Variants in UBE2D2 observed in about 807,000 individuals in gnomAD.
The protein encoded by UBE2D2 is ubiquitin conjugating enzyme E2 D2, also known as ubiquitin-conjugating enzyme E2 D2.
UBE2D2 carries 2 observed loss-of-function variants against 24.2 expected under a neutral mutation model. The ratio of observed to expected loss-of-function variants is 0.08; its 90% CI spans 0.03 to 0.26. The LOEUF is 0.26. Ranked by LOEUF, UBE2D2 falls within the 10% of genes least tolerant of loss-of-function variation. UBE2D2 has a pLI of 1.00. For missense variants in UBE2D2, 44 were observed against 177.6 expected, an observed-to-expected ratio of 0.25 and a Z score of 4.28; for synonymous variants, 58 against 56.5, an observed-to-expected ratio of 1.03 and a Z score of -0.12.
chr5:139,576,516 G>A (rs971892091), intron 1 of UBE2D2, among the ~76,000 whole-genome samples: 1 of 151,822 alleles, frequency 6.6e-6, no homozygotes. Context: ...CTACAGACAC[G>A]TGCCACCACG....
chr5:139,587,630 G>GCCACTGCA (rs1359589814), intron 1 of UBE2D2, among the ~76,000 whole-genome samples: 1 of 134,840 alleles, frequency 7.4e-6, no homozygotes, highest in Non-Finnish European at 1.5e-5. Context: ...CCAAGGTCGC[G>GCCACTGCA]CCACTGCACT....
chr5:139,529,750 C>T (rs1023066856), intron 1 of UBE2D2, among the ~76,000 whole-genome samples: 1 of 152,166 alleles, frequency 6.6e-6, no homozygotes, highest in African/African-American at 2.4e-5. Context: ...GTATTTCAGA[C>T]CTTCTACCAG....
rs1754650426 is a variant in UBE2D2, at chr5:139,627,143, A to G, written c.*342A>G. The G allele has an allele frequency of 4.6e-6, 1 of 218,020 alleles. No individual in the cohort carries two copies. The highest frequency in any genetic ancestry group is 1.3e-4 in the East Asian group (1 of 7,634). The allele number at this position is 218,020 out of a possible 1,614,324, so 13.5% of individuals were successfully genotyped here. ...GGTGGTGGGTATGGTGTGTGCTTGGATGGGAAAGAAAAGGCTCCACTCACC... is the reference window on the plus strand; with the variant it reads ...GGTGGTGGGTATGGTGTGTGCTTGGGTGGGAAAGAAAAGGCTCCACTCACC... On this transcript the variant is annotated 3_prime_UTR_variant, in exon 7 of 7. Transcript: ENST00000398733.
intron 1 of UBE2D2, among the ~76,000 whole-genome samples, chr5:139,572,809 C>T (rs1337316718): frequency 1.3e-5 from 2 of 151,798 alleles, no homozygotes; most frequent in African/African-American, 4.8e-5. Context: ...CACCACCGTG[C>T]CTGGCTGATT....
At chr5:139,621,260 A>G (rs1348108214) in intron 5 of UBE2D2, among the ~76,000 whole-genome samples, 1 of 152,208 alleles carries the variant, frequency 6.6e-6, no homozygotes, top group Non-Finnish European at 1.5e-5. Context: ...ATACATACAT[A>G]AATAAATAAA....
chr5:139,592,570 CTG>C (rs1366126042), intron 1 of UBE2D2, among the ~76,000 whole-genome samples: 5 of 144,948 alleles, frequency 3.4e-5, no homozygotes, highest in South Asian at 2.2e-4. Flanking sequence ...ACTGGTTTAA[CTG>C]TTGTTTCTTT....
intron 1 of UBE2D2, among the ~76,000 whole-genome samples, chr5:139,572,885 C>T (rs942460937): frequency 6.6e-6 from 1 of 151,952 alleles, no homozygotes; most frequent in African/African-American, 2.4e-5. Flanking sequence ...CTCAAGTGAT[C>T]CACCCGCCTA....
chr5:139,583,635 G>A (rs1753654379), intron 1 of UBE2D2, among the ~76,000 whole-genome samples: 1 of 152,134 alleles, frequency 6.6e-6, no homozygotes, highest in Non-Finnish European at 1.5e-5. Context: ...GGTGTCAGGT[G>A]CCTGTAGTCT....
intron 1 of UBE2D2, among the ~76,000 whole-genome samples, chr5:139,548,251 A>AT (rs532595793): frequency 1.7e-4 from 26 of 150,792 alleles, no homozygotes; most frequent in Non-Finnish European, 3.4e-4. Context: ...AAAATGACAG[A>AT]TTTTGTAGGC....
chr5:139,537,071 T>C (rs1752692919), intron 1 of UBE2D2, among the ~76,000 whole-genome samples: 2 of 151,502 alleles, frequency 1.3e-5, no homozygotes, highest in Admixed American at 1.3e-4. Flanking sequence ...TAGTCCCAGC[T>C]ACTCGGGAGG....
At chr5:139,613,626 T>C (rs534911480) in intron 2 of UBE2D2, among the ~76,000 whole-genome samples, 4 of 152,328 alleles carry the variant, frequency 2.6e-5, no homozygotes, top group African/African-American at 7.2e-5. Context: ...CTTTAACTTA[T>C]CCTTTACATT....
At chr5:139,591,979 C>T (rs1311992311) in intron 1 of UBE2D2, among the ~76,000 whole-genome samples, 1 of 152,004 alleles carries the variant, frequency 6.6e-6, no homozygotes, top group Non-Finnish European at 1.5e-5. Flanking sequence ...GCGGGCGGAT[C>T]CCTTGAGGTC....
chr5:139,573,967 T>A (rs891055793), intron 1 of UBE2D2, among the ~76,000 whole-genome samples: 1 of 151,672 alleles, frequency 6.6e-6, no homozygotes, highest in Non-Finnish European at 1.5e-5. Context: ...CGAGACTGTC[T>A]CTAAATAAAT....
intron 5 of UBE2D2, among the ~76,000 whole-genome samples, chr5:139,620,859 A>G (rs1754500633): frequency 6.6e-6 from 1 of 152,226 alleles, no homozygotes; most frequent in African/African-American, 2.4e-5. Context: ...ATTAGTATAG[A>G]AGGATTTAAA....
At chr5:139,549,505 G>T (rs1752878092) in intron 1 of UBE2D2, among the ~76,000 whole-genome samples, 2 of 152,234 alleles carry the variant, frequency 1.3e-5, no homozygotes, top group African/African-American at 2.4e-5. Context: ...GCTGTGGAGG[G>T]TGCACTGGGT....
chr5:139,561,219 T>C (rs2126645185), upstream of UBE2D2: 1 of 152,416 alleles, frequency 6.6e-6, no homozygotes, highest in South Asian at 2.1e-4. Flanking sequence ...GTGCGTAGCT[T>C]ACTCACAGGG....
At chr5:139,546,216 G>A (rs554950323) in intron 1 of UBE2D2, among the ~76,000 whole-genome samples, 2 of 148,694 alleles carry the variant, frequency 1.3e-5, no homozygotes, top group South Asian at 4.3e-4. Flanking sequence ...TCTAATTTTT[G>A]TATTTGTAGT....
chr5:139,603,615 C>G lies in UBE2D2; in HGVS notation c.88+3180C>G, dbSNP rs567752932. ...CCAGCCTGGGTGACAGAGTGAGACT[C>G]TGTCTCCGAAAAAAAAAAAAAAAAA... On this transcript the variant is annotated intron_variant, in intron 2 of 6. Transcript: ENST00000398733. Among the ~76,000 whole-genome samples, 424 of 103,164 alleles carry G rather than the reference C, an allele frequency of 4.1e-3. 3 individuals are homozygous for G. The highest frequency in any genetic ancestry group is 0.016 in the African/African-American group (399 of 25,408). The allele number at this position is 103,164 out of a possible 152,430, so 67.7% of individuals were successfully genotyped here.
chr5:139,560,756 T>TA (rs1273172799), upstream of UBE2D2, among the ~76,000 whole-genome samples: 1 of 152,204 alleles, frequency 6.6e-6, no homozygotes, highest in Non-Finnish European at 1.5e-5. Context: ...AAGGCACACA[T>TA]ACATGCCAGT....
Sources: allele counts gnomAD v4.1 joint callset (sites outside exome capture counted in the v4.1 genomes callset), GRCh38; gene constraint gnomAD v4.1.1; transcripts MANE v1.5; gene names NCBI Gene and HGNC (gene_info 2026-07-23, HGNC 2026-07-21).